The following HECW2 variants were observed in gnomAD, a reference collection of about 807,000 sequenced individuals.
The protein encoded by HECW2 is E3 ubiquitin-protein ligase HECW2.
In HECW2, 61 loss-of-function variants were observed where a neutral mutation model predicts 175.2. The ratio of observed to expected loss-of-function variants is 0.35; its 90% CI spans 0.28 to 0.43. HECW2 has a LOEUF of 0.43. Among genes scored for constraint, HECW2 ranks in the 20% least tolerant of loss-of-function variants. The pLI, the probability that HECW2 is intolerant of heterozygous loss-of-function variation, is 1.00. For synonymous variants in HECW2, 671 were observed against 731.0 expected (o/e 0.92, Z 1.32); for missense variants, 1,524 against 2,000.5 (o/e 0.76, Z 4.54).
chr2:196,579,054 T>C (rs1690666634), intron 1 of HECW2, among the ~76,000 whole-genome samples: 1 of 152,208 alleles, frequency 6.6e-6, no homozygotes, highest in African/African-American at 2.4e-5. Flanking sequence ...AAAGATGTAA[T>C]CTGTATTACA....
At chr2:196,515,616 T>C (rs944623625) in intron 1 of HECW2, among the ~76,000 whole-genome samples, 3 of 152,202 alleles carry the variant, frequency 2.0e-5, no homozygotes, top group Admixed American at 6.5e-5. Flanking sequence ...CCAGAAATCA[T>C]TTATTTCTCC....
chr2:196,456,544 G>A (rs983370952), intron 1 of HECW2, among the ~76,000 whole-genome samples: 2 of 152,176 alleles, frequency 1.3e-5, no homozygotes, highest in African/African-American at 4.8e-5. Flanking sequence ...AAGCTTCACT[G>A]CAAACATGGT....
chr2:196,371,085 AG>A (rs749434769), intron 2 of HECW2, among the ~76,000 whole-genome samples: 5 of 152,168 alleles, frequency 3.3e-5, no homozygotes, highest in Non-Finnish European at 4.4e-5. Flanking sequence ...CAATCAGTGG[AG>A]GCTTCTATTC....
At chr2:196,288,956 C>A (rs1690497014) in intron 14 of HECW2, 1 of 152,264 alleles carries the variant, frequency 6.6e-6, no homozygotes, top group Non-Finnish European at 1.5e-5. Context: ...TCATGCTGTG[C>A]CTCAGTTTCC....
chr2:196,194,259 C>G lies in HECW2; in HGVS notation c.*7018G>C, dbSNP rs1211956544. The G allele has an allele frequency of 2.0e-5, 3 of 151,020 alleles. No homozygotes were observed. The highest frequency in any genetic ancestry group is 3.0e-5 in the Non-Finnish European group (2 of 67,650). The allele number at this position is 151,020 out of a possible 1,614,324, so 9.4% of individuals were successfully genotyped here. ...ACTATAAATACTATGAAAACAGAAC[C>G]TCCAATATTTATAGAGCTGCAAACT... On this transcript the variant is annotated 3_prime_UTR_variant, in exon 29 of 29. Coordinates refer to ENST00000644978, the MANE Select transcript of HECW2 (RefSeq NM_001348768.2).
intron 2 of HECW2, among the ~76,000 whole-genome samples, chr2:196,380,872 T>G (rs896665192): frequency 6.6e-6 from 1 of 152,236 alleles, no homozygotes; most frequent in Non-Finnish European, 1.5e-5. Context: ...GAGTTCAACC[T>G]GTTTCTTGAA....
At position 196,281,425 on chromosome 2, in the gene HECW2, C is replaced by A. The variant is rs1306588543; in HGVS notation, c.3001-2763G>T. On this transcript the variant is annotated intron_variant, in intron 14 of 28. Transcript: ENST00000644978. ...GGCTGAGGTAGGTGGATCGCTTGAG[C>A]TCAGAAGTTCAAGGCCAGCCTGGGC... 2.6e-5 allele frequency among the ~76,000 whole-genome samples: 4 copies of A among 151,932 alleles called. No individual in the cohort carries two copies. In the East Asian group the frequency reaches 7.7e-4, roughly 29 times the overall value.
At chr2:196,543,815 T>G (rs992286734) in intron 1 of HECW2, among the ~76,000 whole-genome samples, 1 of 152,348 alleles carries the variant, frequency 6.6e-6, no homozygotes, top group African/African-American at 2.4e-5. Context: ...GATTTCACCA[T>G]GCCAGGCAGG....
intron 1 of HECW2, among the ~76,000 whole-genome samples, chr2:196,472,074 G>A (rs978912025): frequency 1.5e-4 from 23 of 151,946 alleles, no homozygotes; most frequent in African/African-American, 4.8e-4. Context: ...GAATGCAGCT[G>A]TGGGAATGAA....
At position 196,319,018 on chromosome 2, in the gene HECW2, A is replaced by T. The variant is rs909532469; in HGVS notation, c.1872T>A (p.Ser624Arg). Reference protein sequence around the residue: ...TEPSDPARTESVSEASTRPEG... With the variant: ...TEPSDPARTERVSEASTRPEG... ...CAGGCCTGGTGCTGGCTTCGCTCAC[A>T]CTCTCTGTCCTGGCAGGATCACTGG... Residue 624 changes from serine to arginine, a missense_variant, in exon 9 of 29, where the codon AGT becomes AGA. Coordinates refer to ENST00000644978, the MANE Select transcript of HECW2 (RefSeq NM_001348768.2). 6.2e-7 allele frequency: 1 copy of T among 1,613,376 alleles called. No individual in the cohort carries two copies. Among genetic ancestry groups the T allele is most frequent in the African/African-American group, 1.3e-5 (1 of 74,766 alleles).
rs1482138260 is a variant in HECW2, at chr2:196,197,614, GT to G, written c.*3662del. ...AAGGTGTCATATTTTAAATGTATCTGTTTAAGAAAGTGAGAGTTTGGAGGAA... is the reference window on the plus strand; with the variant it reads ...AAGGTGTCATATTTTAAATGTATCTGTTAAGAAAGTGAGAGTTTGGAGGAA... On this transcript the variant is annotated 3_prime_UTR_variant, in exon 29 of 29. Coordinates refer to ENST00000644978, the MANE Select transcript of HECW2 (RefSeq NM_001348768.2). 6.6e-6 allele frequency: 1 copy of G among 152,102 alleles called. No individual in the cohort carries two copies. Among genetic ancestry groups the G allele is most frequent in the Non-Finnish European group, 1.5e-5 (1 of 68,014 alleles). The allele number at this position is 152,102 out of a possible 1,614,324, so 9.4% of individuals were successfully genotyped here. A position where few individuals can be genotyped will look rare whatever the true frequency, so the allele number is the denominator to read the frequency against.
intron 1 of HECW2, among the ~76,000 whole-genome samples, chr2:196,521,918 T>C (rs1166709720): frequency 6.6e-6 from 1 of 151,776 alleles, no homozygotes; most frequent in Non-Finnish European, 1.5e-5. Context: ...GTCTTTGCTA[T>C]TGTGAATAAT....
At chr2:196,217,237 C>T (rs911274659) in intron 26 of HECW2, 144 bp from the exon 27 acceptor site, 3 of 585,648 alleles carry the variant, frequency 5.1e-6, no homozygotes, top group African/African-American at 3.9e-5. Flanking sequence ...TAAGGAATAA[C>T]ACTGTATATA....
At chr2:196,343,374 AT>A (rs925622794) in intron 3 of HECW2, among the ~76,000 whole-genome samples, 11 of 151,462 alleles carry the variant, frequency 7.3e-5, no homozygotes, top group South Asian at 2.1e-4. Context: ...ACAAAATGAC[AT>A]TTTTTTTTCC....
At chr2:196,427,473 T>C (rs1687809347) in intron 2 of HECW2, among the ~76,000 whole-genome samples, 1 of 152,142 alleles carries the variant, frequency 6.6e-6, no homozygotes, top group African/African-American at 2.4e-5. Context: ...GGGAATTAGA[T>C]AGTGAGCCTG....
At chr2:196,520,468 G>A (rs1477751177) in intron 1 of HECW2, among the ~76,000 whole-genome samples, 1 of 152,178 alleles carries the variant, frequency 6.6e-6, no homozygotes, top group Non-Finnish European at 1.5e-5. Flanking sequence ...TGCACCTTAA[G>A]AGCACCTGAA....
rs1553509115 is a variant in HECW2 at position 196,374,041 on chromosome 2, A to AT, written c.293-30278_293-30277insA. On this transcript the variant is annotated intron_variant, in intron 2 of 28. Transcript: ENST00000644978. Reference sequence around the variant, plus strand: ...AGAGAGACTCCGTCTCAAAAAAAATAAAATAAAATAAATAAATAAATAAAT... The same window carrying AT: ...AGAGAGACTCCGTCTCAAAAAAAATATAAATAAAATAAATAAATAAATAAAT... 2.1e-3 allele frequency among the ~76,000 whole-genome samples: 282 copies of AT among 131,500 alleles called. 3 individuals are homozygous for AT. The highest frequency in any genetic ancestry group is 9.3e-3 in the African/African-American group (263 of 28,180). The allele number at this position is 131,500 out of a possible 152,430, so 86.3% of individuals were successfully genotyped here.
chr2:196,351,181 C>CTT (rs150540234), intron 2 of HECW2, among the ~76,000 whole-genome samples: 3 of 150,472 alleles, frequency 2.0e-5, no homozygotes, highest in Non-Finnish European at 3.0e-5. Flanking sequence ...AAAACTAATT[C>CTT]TTTTTTTTTA....
At chr2:196,360,038 CA>C (rs906174231) in intron 2 of HECW2, among the ~76,000 whole-genome samples, 14 of 152,156 alleles carry the variant, frequency 9.2e-5, no homozygotes, top group Non-Finnish European at 8.8e-5. Flanking sequence ...CCAGGAATTC[CA>C]GACTGCAGTG....
Sources: gnomAD v4.1 joint callset for allele counts (sites outside exome capture counted in the v4.1 genomes callset) on GRCh38, gnomAD v4.1.1 for gene constraint, MANE v1.5 for transcripts, NCBI Gene and HGNC (gene_info 2026-07-23, HGNC 2026-07-21) for gene names.